LEFTY1: variants seen among roughly 807,000 people sequenced by gnomAD.
LEFTY1 encodes the protein left-right determination factor 1.
A neutral mutation model predicts 22.6 loss-of-function variants in LEFTY1; 18 were observed. That is an observed-to-expected ratio of 0.80 (90% CI 0.55 to 1.18). The LOEUF is 1.18. Among genes scored for constraint, LEFTY1 ranks in the 50% most tolerant of loss-of-function variants. The pLI is 0.00. For missense variants in LEFTY1, 414 were observed against 495.4 expected, an observed-to-expected ratio of 0.84 and a Z score of 1.56; for synonymous variants, 201 against 231.5, an observed-to-expected ratio of 0.87 and a Z score of 1.20.
rs1271392199 is a variant in LEFTY1, at chr1:225,887,953, G to A, written c.330C>T (p.Asn110=). ...GCAGCACGGCCTGCACCAGCTCGCT[G>A]TTGGGCGGCAGCCGCTGCTCCATGC... The part of the protein sequence containing the change: ...VFGMEQRLPP[N]SELVQAVLRL... Residue 110 remains asparagine, a synonymous_variant, in exon 2 of 4, where the codon AAC becomes AAT. Coordinates refer to ENST00000272134, the MANE Select transcript of LEFTY1 (RefSeq NM_020997.4). The A allele has an allele frequency of 8.2e-6, 13 of 1,575,926 alleles. No homozygotes were observed. Among genetic ancestry groups the A allele is most frequent in the Non-Finnish European group, 1.1e-5 (13 of 1,171,704 alleles).
intron 1 of LEFTY1, 82 bp downstream of exon 1, chr1:225,888,735 C>T: frequency 6.3e-7 from 1 of 1,577,772 alleles, no homozygotes; most frequent in Non-Finnish European, 8.6e-7. Flanking sequence ...CTCTGCAAGG[C>T]CAGGAGCCCT....
chr1:225,886,724 C>G lies in LEFTY1; in HGVS notation c.*3G>C. On this transcript the variant is annotated 3_prime_UTR_variant, in exon 4 of 4. Coordinates refer to ENST00000272134, the MANE Select transcript of LEFTY1 (RefSeq NM_020997.4). ...CAAGTCCCTCGATGGCTACACTAGG[C>G]GCCTATGGCTGGAGCCTCCTTGGCA... 1 of 1,613,656 alleles carries G rather than the reference C, an allele frequency of 6.2e-7. No homozygotes were observed.
Position 225,886,955 on chromosome 1 carries a change from A to T in LEFTY1, c.873T>A (p.Tyr291Ter). 2.5e-6 allele frequency: 4 copies of T among 1,612,974 alleles called. No individual in the cohort carries two copies. Among genetic ancestry groups the T allele is most frequent in the Middle Eastern group, 1.7e-4 (1 of 6,022 alleles). The change falls in exon 4 of 4, where the codon TAT (tyrosine) becomes TAA (stop). Residue 291 changes from tyrosine (Y) to a stop codon, truncating the protein, a stop_gained. Coordinates refer to ENST00000272134, the MANE Select transcript of LEFTY1 (RefSeq NM_020997.4). LOFTEE classifies it low-confidence loss of function (END_TRUNC). ...GCTGCCGGCAGGTGCCCACACACTC[A>T]TAAGCCAGGAAGCCCGGGGGCTCCA... Reference protein sequence around the residue: ...WVLEPPGFLAYECVGTCRQPP... With the variant: ...WVLEPPGFLA
rs755586051 is a variant in LEFTY1, at chr1:225,886,900, A to C, written c.928T>G (p.Phe310Val). 6.2e-7 allele frequency: 1 copy of C among 1,613,952 alleles called. No individual in the cohort carries two copies. The highest frequency in any genetic ancestry group is 8.5e-7 in the Non-Finnish European group (1 of 1,180,030). The change falls in exon 4 of 4, where the codon TTT becomes GTT. Residue 310 changes from phenylalanine to valine, a missense_variant. Phe to Val is a conservative substitution (Grantham distance 50). Coordinates refer to ENST00000272134, the MANE Select transcript of LEFTY1 (RefSeq NM_020997.4). The part of the protein sequence containing the change: ...PPEALAFKWP[F>V]LGPRQCIASE... The stretch of plus-strand genomic sequence containing the variant: ...GCGATGCACTGTCGAGGCCCCAGAA[A>C]CGGCCACTTGAAGGCCAGGGCCTCC...
At position 225,887,850 on chromosome 1, in the gene LEFTY1, C is replaced by G; in HGVS notation, c.433G>C (p.Val145Leu). The change falls in exon 2 of 4, where the codon GTG becomes CTG. Residue 145 changes from valine (V) to leucine (L), a missense_variant. Around this residue, in one of 2 missense-constraint regions of LEFTY1, gnomAD observed 398 missense variants for 454.7 expected, o/e 0.88. Transcript: ENST00000272134. ...RLSPRSARAR[V>L]TVEWLRVRDD... ...CGGACGCGCAGCCACTCGACGGTCA[C>G]CCGGGCCCGGGCGCTGCGCGGGGAC... The G allele has an allele frequency of 1.3e-6, 2 of 1,529,966 alleles. No individual in the cohort carries two copies. The highest frequency in any genetic ancestry group is 2.4e-5 in the South Asian group (2 of 83,500). The allele number at this position is 1,529,966 out of a possible 1,614,324, so 94.8% of individuals were successfully genotyped here.
chr1:225,887,904 T>C lies in LEFTY1; in HGVS notation c.379A>G (p.Lys127Glu), dbSNP rs1435686356. The C allele has an allele frequency of 6.5e-7, 1 of 1,538,376 alleles. No homozygotes were observed. The highest frequency in any genetic ancestry group is 1.9e-5 in the Admixed American group (1 of 51,294). ...CGCCCGTGCCTGTGCAGCGCGGCCT[T>C]GGGGACCGGCTCCTGGAAGAGCCGC... is the stretch of plus-strand genomic sequence containing the variant. ...VLRLFQEPVPKAALHRHGRLS... is the reference protein window; with the variant it reads ...VLRLFQEPVPEAALHRHGRLS... Residue 127 changes from lysine (K) to glutamate (E), a missense_variant, in exon 2 of 4, where the codon AAG (lysine) becomes GAG (glutamate). Lys to Glu is a moderately conservative substitution (Grantham distance 56). Coordinates refer to ENST00000272134, the MANE Select transcript of LEFTY1 (RefSeq NM_020997.4).
At position 225,887,215 on chromosome 1, in the gene LEFTY1, G is replaced by A. The variant is rs1671299182; in HGVS notation, c.738-125C>T. 4.8e-6 allele frequency: 7 copies of A among 1,470,670 alleles called. No individual in the cohort carries two copies. In the South Asian group the frequency reaches 8.5e-5, roughly 18 times the overall value. The allele number at this position is 1,470,670 out of a possible 1,614,324, so 91.1% of individuals were successfully genotyped here. A position where few individuals can be genotyped will look rare whatever the true frequency, so the allele number is the denominator to read the frequency against. On this transcript the variant is annotated intron_variant, in intron 3 of 3. Transcript: ENST00000272134. ...AGCTGGATGTTTGTGATATAGGATG[G>A]ACAGCTAGAAATAACTTGAAAATTA... is the stretch of plus-strand genomic sequence containing the variant.
chr1:225,886,951 A>C lies in LEFTY1; in HGVS notation c.877T>G (p.Cys293Gly). The C allele has an allele frequency of 6.2e-7, 1 of 1,613,406 alleles. No individual in the cohort carries two copies. Among genetic ancestry groups the C allele is most frequent in the Non-Finnish European group, 8.5e-7 (1 of 1,179,740 alleles). ...LEPPGFLAYE[C>G]VGTCRQPPEA... ...GGGGGCTGCCGGCAGGTGCCCACACACTCATAAGCCAGGAAGCCCGGGGGC... is the reference window on the plus strand; with the variant it reads ...GGGGGCTGCCGGCAGGTGCCCACACCCTCATAAGCCAGGAAGCCCGGGGGC... The change falls in exon 4 of 4, where the codon TGT becomes GGT. Residue 293 changes from cysteine to glycine, a missense_variant. Around this residue, in one of 2 missense-constraint regions of LEFTY1, gnomAD observed 398 missense variants for 454.7 expected, o/e 0.88. Transcript: ENST00000272134.
chr1:225,886,653 G>T lies in LEFTY1; in HGVS notation c.*74C>A. Reference sequence around the variant, plus strand: ...TTTGTCCATCAGCAGTTCAGTCATCGCCAGCTCTCCTGGTACCCTCGAACA... The same window carrying T: ...TTTGTCCATCAGCAGTTCAGTCATCTCCAGCTCTCCTGGTACCCTCGAACA... On this transcript the variant is annotated 3_prime_UTR_variant, in exon 4 of 4. Coordinates refer to ENST00000272134, the MANE Select transcript of LEFTY1 (RefSeq NM_020997.4). The T allele has an allele frequency of 6.3e-7, 1 of 1,599,212 alleles. No homozygotes were observed. Among genetic ancestry groups the T allele is most frequent in the Non-Finnish European group, 8.5e-7 (1 of 1,174,000 alleles).
Position 225,889,004 on chromosome 1 carries a change from G to A in LEFTY1, c.63C>T (p.Ala21=). The part of the protein sequence containing the change: ...WVLPLASPGA[A]LTGEQLLGSL... ...TGCCCAGGAGCTGCTCCCCGGTCAGGGCGGCCCCGGGGCTGGCCAGGGGCA... is the reference window on the plus strand; with the variant it reads ...TGCCCAGGAGCTGCTCCCCGGTCAGAGCGGCCCCGGGGCTGGCCAGGGGCA... Residue 21 remains alanine (A), a synonymous_variant, in exon 1 of 4, where the codon GCC becomes GCT. Coordinates refer to ENST00000272134, the MANE Select transcript of LEFTY1 (RefSeq NM_020997.4). The A allele has an allele frequency of 2.3e-5, 35 of 1,545,342 alleles. No individual in the cohort carries two copies. Among genetic ancestry groups the A allele is most frequent in the Non-Finnish European group, 3.1e-5 (35 of 1,146,150 alleles).
chr1:225,889,105 T>C lies in LEFTY1; in HGVS notation c.-39A>G. The stretch of plus-strand genomic sequence containing the variant: ...AGGAGCAAGAGGCAGAGTGGGGCTG[T>C]CCCTTGAGAAGGCTGCAGGAGGGTC... On this transcript the variant is annotated 5_prime_UTR_variant, in exon 1 of 4. Transcript: ENST00000272134. The C allele has an allele frequency of 2.1e-6, 3 of 1,436,870 alleles. No homozygotes were observed. Among genetic ancestry groups the C allele is most frequent in the Admixed American group, 2.8e-5 (1 of 35,172 alleles). 89.0% of individuals were successfully genotyped at this position (1,436,870 alleles called of 1,614,324 possible).
At chr1:225,887,139 G>A in intron 3 of LEFTY1, 49 bp from the exon 4 acceptor site, 1 of 1,551,658 alleles carries the variant, frequency 6.4e-7, no homozygotes, top group Non-Finnish European at 8.7e-7. Context: ...GAGGGCTGAG[G>A]TCAGAGGGCG....
Position 225,889,052 on chromosome 1 carries a change from C to G in LEFTY1, c.15G>C (p.Trp5Cys). 1.4e-6 allele frequency: 2 copies of G among 1,478,818 alleles called. No homozygotes were observed. The highest frequency in any genetic ancestry group is 1.8e-6 in the Non-Finnish European group (2 of 1,117,494). The allele number at this position is 1,478,818 out of a possible 1,614,324, so 91.6% of individuals were successfully genotyped here. A position where few individuals can be genotyped will look rare whatever the true frequency, so the allele number is the denominator to read the frequency against. Reference protein sequence around the residue: MQPLWLCWALWVLPL... With the variant: MQPLCLCWALWVLPL... ...GCAACACCCAGAGTGCCCAGCAGAGCCACAGGGGCTGCATGGTGCTGCCCT... is the reference window on the plus strand; with the variant it reads ...GCAACACCCAGAGTGCCCAGCAGAGGCACAGGGGCTGCATGGTGCTGCCCT... Residue 5 changes from tryptophan (W) to cysteine (C), a missense_variant, in exon 1 of 4, where the codon TGG (tryptophan) becomes TGC (cysteine). By Grantham distance (215) the Trp-to-Cys change is radical (BLOSUM62 -2). Transcript: ENST00000272134.
intron 2 of LEFTY1, 66 bp downstream of exon 2, chr1:225,887,720 G>A: frequency 6.4e-7 from 1 of 1,550,536 alleles, no homozygotes; most frequent in East Asian, 2.4e-5. Context: ...GCCCCCCCGC[G>A]TCCCCGCCCC....
chr1:225,888,392 T>C (rs1005463097), intron 1 of LEFTY1, among the ~76,000 whole-genome samples: 1 of 152,138 alleles, frequency 6.6e-6, no homozygotes, highest in Non-Finnish European at 1.5e-5. Context: ...GCTGCACCCC[T>C]GACAGCCAGG....
chr1:225,886,595 G>A lies in LEFTY1; in HGVS notation c.*132C>T, dbSNP rs1671282452. The A allele has an allele frequency of 6.7e-7, 1 of 1,498,156 alleles. No individual in the cohort carries two copies. Among genetic ancestry groups the A allele is most frequent in the Non-Finnish European group, 8.9e-7 (1 of 1,128,084 alleles). The allele number at this position is 1,498,156 out of a possible 1,614,324, so 92.8% of individuals were successfully genotyped here. A position where few individuals can be genotyped will look rare whatever the true frequency, so the allele number is the denominator to read the frequency against. On this transcript the variant is annotated 3_prime_UTR_variant, in exon 4 of 4. Transcript: ENST00000272134. Reference sequence around the variant, plus strand: ...TAGGTGAGGTAACTTGTCAGAGGAAGCAAATTCAGGGCTCACTAGAGAGCA... The same window carrying A: ...TAGGTGAGGTAACTTGTCAGAGGAAACAAATTCAGGGCTCACTAGAGAGCA...
chr1:225,888,308 C>G (rs1671330766), intron 1 of LEFTY1, among the ~76,000 whole-genome samples: 1 of 152,174 alleles, frequency 6.6e-6, no homozygotes, highest in African/African-American at 2.4e-5. Context: ...TTGGGTCTAG[C>G]TCTGGGCACT....
At chr1:225,888,489 A>G (rs1327119704) in intron 1 of LEFTY1, among the ~76,000 whole-genome samples, 1 of 152,210 alleles carries the variant, frequency 6.6e-6, no homozygotes, top group African/African-American at 2.4e-5. Flanking sequence ...GATGTTCACA[A>G]TGCTGGAAGA....
chr1:225,888,070 C>G (rs895078070), intron 1 of LEFTY1, 38 bp from the exon 2 acceptor site: 1 of 1,588,154 alleles, frequency 6.3e-7, no homozygotes, highest in Non-Finnish European at 8.5e-7. Context: ...CCTCCCCCGA[C>G]TCCAGGGGAG....
Sources: gnomAD v4.1 joint callset for allele counts (sites outside exome capture counted in the v4.1 genomes callset) on GRCh38, gnomAD v4.1.1 for gene constraint, gnomAD v4.1.1 regional missense constraint, MANE v1.5 for transcripts, NCBI Gene and HGNC (gene_info 2026-07-23, HGNC 2026-07-21) for gene names.